Variants in HMGN5 observed in about 807,000 individuals in gnomAD.
HMGN5 encodes high mobility group nucleosome binding domain 5.
In HMGN5, 4 loss-of-function variants were observed where a neutral mutation model predicts 9.5. That is an observed-to-expected ratio of 0.42 (90% CI 0.21 to 0.96). The LOEUF is 0.96. HMGN5 is among the 40% of genes least tolerant of loss of function. HMGN5 has a pLI of 0.30. For missense variants in HMGN5, 192 were observed against 187.5 expected (o/e 1.02, Z -0.14); for synonymous variants, 55 against 57.1 (o/e 0.96, Z 0.16).
intron 1 of HMGN5, among the ~76,000 whole-genome samples, chrX:81,135,759 A>T (rs5959074): frequency 0.018 from 2,027 of 110,751 alleles, 43 homozygotes; most frequent in African/African-American, 0.063. Context: ...TTCTAAAAAT[A>T]ATTGTAGTGT....
At chrX:81,179,593 G>C (rs938293701) in intron 1 of HMGN5, among the ~76,000 whole-genome samples, 2 of 111,774 alleles carry the variant, frequency 1.8e-5, no homozygotes, top group Non-Finnish European at 3.8e-5. Flanking sequence ...CTCATGGATA[G>C]GAGGAATTAA....
chrX:81,177,053 T>C (rs994383698), intron 1 of HMGN5, among the ~76,000 whole-genome samples: 3 of 109,448 alleles, frequency 2.7e-5, no homozygotes, highest in Non-Finnish European at 5.7e-5. Context: ...GAAGGTCGAG[T>C]TACCCACAAA....
At chrX:81,136,498 G>A (rs1415714651) in intron 1 of HMGN5, among the ~76,000 whole-genome samples, 3 of 111,480 alleles carry the variant, frequency 2.7e-5, no homozygotes, top group African/African-American at 9.8e-5. Flanking sequence ...AGTCACATAT[G>A]TGTATTGTAA....
At chrX:81,127,824 G>T (rs754901498) in intron 1 of HMGN5, among the ~76,000 whole-genome samples, 9 of 111,486 alleles carry the variant, frequency 8.1e-5, no homozygotes, top group African/African-American at 2.6e-4. Flanking sequence ...AGATTTTCTT[G>T]TATGGGGAAT....
intron 1 of HMGN5, among the ~76,000 whole-genome samples, chrX:81,191,660 T>A (rs2075494599): frequency 8.9e-6 from 1 of 112,053 alleles, no homozygotes; most frequent in Non-Finnish European, 1.9e-5. Flanking sequence ...CATGGCCATT[T>A]AAAATAGGCA....
At chrX:81,181,645 C>T (rs188966614) in intron 1 of HMGN5, among the ~76,000 whole-genome samples, 213 of 111,742 alleles carry the variant, frequency 1.9e-3, no homozygotes, top group Middle Eastern at 9.3e-3. Context: ...TTTTTATCTT[C>T]ATGAGTTCAA....
chrX:81,165,818 C>CT (rs2075409554), intron 1 of HMGN5, among the ~76,000 whole-genome samples: 1 of 111,715 alleles, frequency 9.0e-6, no homozygotes, highest in African/African-American at 3.2e-5. Context: ...CTTGTTCTAC[C>CT]TTTTTTGTGT....
chrX:81,179,749 A>G (rs1325588329), intron 1 of HMGN5, among the ~76,000 whole-genome samples: 1 of 111,697 alleles, frequency 9.0e-6, no homozygotes, highest in Non-Finnish European at 1.9e-5. Flanking sequence ...TGCCCAGACA[A>G]TCCTAAGCAA....
intron 1 of HMGN5, among the ~76,000 whole-genome samples, chrX:81,175,520 T>A (rs2075439104): frequency 9.0e-6 from 1 of 111,542 alleles, no homozygotes; most frequent in African/African-American, 3.3e-5. Flanking sequence ...TTATAAGGAG[T>A]TTGAAGAAAT....
chrX:81,155,801 G>A (rs898376841), intron 1 of HMGN5, among the ~76,000 whole-genome samples: 1 of 111,803 alleles, frequency 8.9e-6, no homozygotes, highest in African/African-American at 3.2e-5. Context: ...ACAACATAAT[G>A]GATCCTTGTC....
chrX:81,185,095 T>A (rs1399481099), intron 1 of HMGN5, among the ~76,000 whole-genome samples: 1 of 111,915 alleles, frequency 8.9e-6, no homozygotes, highest in African/African-American at 3.3e-5. Flanking sequence ...TAGAATAGCT[T>A]TGGCTATTCT....
chrX:81,193,156 G>A (rs958134427), intron 1 of HMGN5, among the ~76,000 whole-genome samples: 5 of 111,038 alleles, frequency 4.5e-5, no homozygotes, highest in African/African-American at 1.3e-4. Context: ...ATAGCTGTTC[G>A]GAGAAATGAT....
chrX:81,133,334 C>T (rs1278050389), intron 1 of HMGN5, among the ~76,000 whole-genome samples: 1 of 111,327 alleles, frequency 9.0e-6, no homozygotes, highest in East Asian at 2.8e-4. Flanking sequence ...AAGTACCATT[C>T]GACCCAGCAA....
In HMGN5 at chrX:81,114,441, G is replaced by T; in HGVS notation, c.*208C>A. Reference sequence around the variant, plus strand: ...AAGTTGAAAGCATATTTTTTTCTATGTATTCCACTACTATAATCACAAAAT... The same window carrying T: ...AAGTTGAAAGCATATTTTTTTCTATTTATTCCACTACTATAATCACAAAAT... On this transcript the variant is annotated 3_prime_UTR_variant, in exon 7 of 7. Transcript: ENST00000358130. 1 of 299,579 alleles carries T rather than the reference G, an allele frequency of 3.3e-6. No individual in the cohort carries two copies. The allele number at this position is 299,579 out of a possible 1,213,427, so 24.7% of individuals were successfully genotyped here. A position where few individuals can be genotyped will look rare whatever the true frequency, so the allele number is the denominator to read the frequency against.
chrX:81,117,931 G>T (rs1192793791), intron 5 of HMGN5, among the ~76,000 whole-genome samples: 1 of 110,052 alleles, frequency 9.1e-6, no homozygotes, highest in Non-Finnish European at 1.9e-5. Context: ...CATGCCTTTA[G>T]CCATAACACC....
At position 81,151,267 on chromosome X, in the gene HMGN5, A is replaced by G. The variant is rs182128666; in HGVS notation, c.-123-29595T>C. ...AAGATCAGATAGTTGTAGATATGCG[A>G]CATTATTTCTGAGGGCTCTGTTCTG... is the stretch of plus-strand genomic sequence containing the variant. On this transcript the variant is annotated intron_variant, in intron 1 of 6. Transcript: ENST00000358130. Among the ~76,000 whole-genome samples, 588 of 111,257 alleles carry G rather than the reference A, an allele frequency of 5.3e-3. 21 individuals carry two copies. The highest frequency in any genetic ancestry group is 0.05 in the Admixed American group (523 of 10,405).
chrX:81,136,662 C>T (rs746592545), intron 1 of HMGN5, among the ~76,000 whole-genome samples: 5 of 111,409 alleles, frequency 4.5e-5, no homozygotes, highest in South Asian at 3.7e-4. Context: ...AGGAAACAAA[C>T]GGAAAACAAA....
At chrX:81,180,219 A>C (rs1424777926) in intron 1 of HMGN5, among the ~76,000 whole-genome samples, 1 of 111,842 alleles carries the variant, frequency 8.9e-6, no homozygotes, top group East Asian at 2.8e-4. Context: ...TAATTAAACT[A>C]AAGAGCTTTT....
intron 1 of HMGN5, among the ~76,000 whole-genome samples, chrX:81,140,453 G>A (rs2075325184): frequency 9.2e-6 from 1 of 108,552 alleles, no homozygotes; most frequent in Non-Finnish European, 1.9e-5. Flanking sequence ...CCAGCTACTC[G>A]GGAGGCTGAG....
Sources: gnomAD v4.1 joint callset for allele counts (sites outside exome capture counted in the v4.1 genomes callset) on GRCh38, gnomAD v4.1.1 for gene constraint, MANE v1.5 for transcripts, NCBI Gene and HGNC (gene_info 2026-07-23, HGNC 2026-07-21) for gene names.